The following PDS5A variants were observed in gnomAD, a reference collection of about 807,000 sequenced individuals.
The protein encoded by PDS5A is sister chromatid cohesion protein PDS5 homolog A.
Under a neutral mutation model 167.1 loss-of-function variants are expected in PDS5A, and 42 were observed. The ratio of observed to expected loss-of-function variants is 0.25; its 90% CI spans 0.20 to 0.33. The LOEUF (loss-of-function observed/expected upper bound fraction) is 0.33. Among genes scored for constraint, PDS5A ranks in the 10% least tolerant of loss-of-function variants. The pLI, the probability that PDS5A is intolerant of heterozygous loss-of-function variation, is 1.00. For synonymous variants in PDS5A, 553 were observed against 554.6 expected (o/e 1.00, Z 0.04); for missense variants, 1,033 against 1,605.9 (o/e 0.64, Z 6.10).
intron 31 of PDS5A, among the ~76,000 whole-genome samples, chr4:39,839,897 C>G (rs1476346645): frequency 2.0e-5 from 3 of 151,776 alleles, no homozygotes; most frequent in Non-Finnish European, 2.9e-5. Flanking sequence ...AGTTCAAGAC[C>G]AGCCTGGCCA....
chr4:39,950,062 C>T (rs958358510), intron 2 of PDS5A, among the ~76,000 whole-genome samples: 2 of 151,834 alleles, frequency 1.3e-5, no homozygotes, highest in African/African-American at 2.4e-5. Context: ...TGCGCCACCA[C>T]GCTTGGCTTA....
rs1002625979 is a variant in PDS5A, at chr4:39,913,101, T to G, written c.992+510A>C. ...TTCTAATGACTTTCTTTTTTTTTTT[T>G]TTTAGACAGAGTCTCACTCTGTCAC... On this transcript the variant is annotated intron_variant, in intron 9 of 32. Coordinates refer to ENST00000303538, the MANE Select transcript of PDS5A (RefSeq NM_001100399.2). Among the ~76,000 whole-genome samples the G allele has an allele frequency of 2.0e-5, 3 of 151,940 alleles. No homozygotes were observed. In the East Asian group the frequency reaches 5.8e-4, roughly 29 times the overall value.
chr4:39,859,534 T>G (rs552485456), intron 26 of PDS5A, among the ~76,000 whole-genome samples: 7 of 152,208 alleles, frequency 4.6e-5, no homozygotes, highest in African/African-American at 1.7e-4. Flanking sequence ...TTCAGCAAGA[T>G]AGTAGAACAT....
chr4:39,946,950 A>C (rs1263881123), intron 2 of PDS5A, among the ~76,000 whole-genome samples: 1 of 151,852 alleles, frequency 6.6e-6, no homozygotes, highest in Admixed American at 6.6e-5. Context: ...ATCATAAAGG[A>C]CTACTATAGG....
intron 26 of PDS5A, among the ~76,000 whole-genome samples, chr4:39,861,057 T>C (rs980838177): frequency 1.3e-5 from 2 of 149,800 alleles, no homozygotes; most frequent in Admixed American, 1.3e-4. Flanking sequence ...GAGTAAGAAC[T>C]TGTCTCATTA....
rs144834396 is a variant in PDS5A, at chr4:39,841,727, A to G, written c.3657+221T>C. On this transcript the variant is annotated intron_variant, in intron 31 of 32. Transcript: ENST00000303538. ...ATTACAGGTGTAAGCCACTGTGCCCAGCCAGACCACATAAATTCTTATAAA... is the reference window on the plus strand; with the variant it reads ...ATTACAGGTGTAAGCCACTGTGCCCGGCCAGACCACATAAATTCTTATAAA... Among the ~76,000 whole-genome samples the G allele has an allele frequency of 4.4e-3, 670 of 152,218 alleles. 8 individuals are homozygous for G. The highest frequency in any genetic ancestry group is 0.015 in the African/African-American group (634 of 41,536).
intron 2 of PDS5A, among the ~76,000 whole-genome samples, chr4:39,974,788 G>A (rs1267562778): frequency 6.6e-6 from 1 of 152,076 alleles, no homozygotes; most frequent in Non-Finnish European, 1.5e-5. Flanking sequence ...ATTACAGGCT[G>A]GAGCCACCAC....
chr4:39,908,646 A>G, intron 10 of PDS5A, 106 bp from the exon 11 acceptor site: 1 of 677,776 alleles, frequency 1.5e-6, no homozygotes, highest in Non-Finnish European at 2.5e-6. Context: ...ATACTAAAGC[A>G]ATGTTTGTAA....
At chr4:39,842,904 TA>T in intron 30 of PDS5A, among the ~76,000 whole-genome samples, 1 of 69,716 alleles carries the variant, frequency 1.4e-5, no homozygotes, top group Non-Finnish European at 2.9e-5. Flanking sequence ...AAACTTATCC[TA>T]TTTTTATATA....
intron 2 of PDS5A, among the ~76,000 whole-genome samples, chr4:39,967,507 C>A (rs896814679): frequency 1.4e-4 from 21 of 148,472 alleles, no homozygotes; most frequent in African/African-American, 2.7e-4. Context: ...ATTAGCCAAG[C>A]CTGGTGGTGC....
chr4:39,919,811 T>C (rs1724754580), intron 7 of PDS5A, among the ~76,000 whole-genome samples: 1 of 152,184 alleles, frequency 6.6e-6, no homozygotes, highest in South Asian at 2.1e-4. Flanking sequence ...GTAAACCTTT[T>C]TTTAACTATT....
At chr4:39,883,306 G>A (rs534985052) in intron 17 of PDS5A, among the ~76,000 whole-genome samples, 2 of 151,808 alleles carry the variant, frequency 1.3e-5, no homozygotes, top group Non-Finnish European at 2.9e-5. Flanking sequence ...TCAGCCTCCC[G>A]AGTAGCTGGG....
At chr4:39,899,124 A>G (rs1171231740) in intron 14 of PDS5A, among the ~76,000 whole-genome samples, 2 of 152,216 alleles carry the variant, frequency 1.3e-5, no homozygotes, top group Non-Finnish European at 2.9e-5. Context: ...TTGAAAAAAG[A>G]TCAATGAAGC....
At chr4:39,921,253 C>T (rs535085618) in intron 6 of PDS5A, among the ~76,000 whole-genome samples, 81 of 152,226 alleles carry the variant, frequency 5.3e-4, no homozygotes, top group African/African-American at 1.9e-3. Flanking sequence ...AAAACGAAAA[C>T]GAATGAACAT....
chr4:39,974,341 T>G, intron 2 of PDS5A: 1 of 473,200 alleles, frequency 2.1e-6, no homozygotes, highest in South Asian at 1.6e-5. Context: ...CACATCAACT[T>G]TCCATTTTTT....
At chr4:39,955,721 T>C (rs571181069) in intron 2 of PDS5A, among the ~76,000 whole-genome samples, 1 of 152,134 alleles carries the variant, frequency 6.6e-6, no homozygotes, top group South Asian at 2.1e-4. Flanking sequence ...GGAGTGTTAC[T>C]GAGGAGTGAG....
chr4:39,963,846 G>C (rs1729725717), intron 2 of PDS5A, among the ~76,000 whole-genome samples: 1 of 151,784 alleles, frequency 6.6e-6, no homozygotes, highest in Non-Finnish European at 1.5e-5. Flanking sequence ...AAAAAGCGGG[G>C]GTGGGGGAGA....
intron 14 of PDS5A, 135 bp downstream of exon 14, chr4:39,900,291 A>G: frequency 1.7e-6 from 1 of 601,414 alleles, no homozygotes; most frequent in East Asian, 2.8e-5. Flanking sequence ...TTGGACAACT[A>G]CAGAAATTAT....
chr4:39,908,584 A>G, intron 10 of PDS5A, 44 bp from the exon 11 acceptor site: 1 of 1,240,030 alleles, frequency 8.1e-7, no homozygotes, highest in East Asian at 2.3e-5. Context: ...TTAGCTATGT[A>G]ATTTGTCATG....
Sources: gnomAD v4.1 joint callset for allele counts (sites outside exome capture counted in the v4.1 genomes callset) on GRCh38, gnomAD v4.1.1 for gene constraint, MANE v1.5 for transcripts, NCBI Gene and HGNC (gene_info 2026-07-23, HGNC 2026-07-21) for gene names.